Variants in ANO3 observed in about 807,000 individuals in gnomAD.
The protein encoded by ANO3 is anoctamin 3, also known as anoctamin-3.
ANO3 carries 99 observed loss-of-function variants against 144.8 expected under a neutral mutation model. That is an observed-to-expected ratio of 0.68 (90% CI 0.58 to 0.81). ANO3 has a LOEUF of 0.81. Ranked by LOEUF, ANO3 falls within the 30% of genes least tolerant of loss-of-function variation. The pLI is 0.00. For synonymous variants in ANO3, 414 were observed against 392.6 expected (o/e 1.05, Z -0.64); for missense variants, 905 against 1,202.2 (o/e 0.75, Z 3.66).
chr11:26,598,974 T>C lies in ANO3; in HGVS notation c.1647T>C (p.Val549=), dbSNP rs1402137349. ...CAGACAAAGTCACTCGTCTTCTTGT[T>C]TCTGTCTCAGGAATATTCTTCATGG... is the stretch of plus-strand genomic sequence containing the variant. ...PSSDKVTRLL[V]SVSGIFFMIS... The change falls in exon 16 of 27, where the codon GTT becomes GTC. Residue 549 remains valine, a synonymous_variant. Coordinates refer to ENST00000256737, the MANE Select transcript of ANO3 (RefSeq NM_031418.4). The C allele has an allele frequency of 1.2e-6, 2 of 1,614,032 alleles. No homozygotes were observed. The highest frequency in any genetic ancestry group is 1.6e-4 in the Middle Eastern group (1 of 6,062).
chr11:26,199,673 A>C (rs1286314662), intron 1 of ANO3, among the ~76,000 whole-genome samples: 2 of 152,168 alleles, frequency 1.3e-5, no homozygotes, highest in Admixed American at 1.3e-4. Flanking sequence ...CTTAAGGGGC[A>C]AATGCCCATG....
At chr11:26,528,317 C>T (rs1022458035) in intron 7 of ANO3, among the ~76,000 whole-genome samples, 3 of 152,076 alleles carry the variant, frequency 2.0e-5, no homozygotes, top group African/African-American at 7.2e-5. Flanking sequence ...AAGCTAGATC[C>T]TTGCATTGTG....
intron 1 of ANO3, among the ~76,000 whole-genome samples, chr11:26,221,300 G>A (rs963289984): frequency 6.6e-6 from 1 of 152,180 alleles, no homozygotes. Flanking sequence ...AGTAATTCAG[G>A]GCTTGGGTTC....
chr11:26,248,487 G>T (rs1373432915), intron 1 of ANO3, among the ~76,000 whole-genome samples: 2 of 152,112 alleles, frequency 1.3e-5, no homozygotes, highest in Admixed American at 1.3e-4. Flanking sequence ...CTGCTTACTT[G>T]AATGAATGAC....
At chr11:26,428,864 A>G (rs746616217) in intron 1 of ANO3, among the ~76,000 whole-genome samples, 5 of 151,410 alleles carry the variant, frequency 3.3e-5, no homozygotes, top group Non-Finnish European at 7.4e-5. Flanking sequence ...ATAATGAGGG[A>G]TTGGCTATTA....
chr11:26,258,254 G>A (rs1853104447), intron 1 of ANO3, among the ~76,000 whole-genome samples: 1 of 151,984 alleles, frequency 6.6e-6, no homozygotes, highest in African/African-American at 2.4e-5. Context: ...TATGGATCTG[G>A]ACAATTAAAT....
At chr11:26,359,856 G>A (rs1202529382) in intron 1 of ANO3, among the ~76,000 whole-genome samples, 1 of 150,302 alleles carries the variant, frequency 6.7e-6, no homozygotes, top group African/African-American at 2.5e-5. Flanking sequence ...ATCTTGGTCA[G>A]AGTGGAACTA....
At chr11:26,630,712 T>C (rs1852749809) in intron 18 of ANO3, among the ~76,000 whole-genome samples, 1 of 152,228 alleles carries the variant, frequency 6.6e-6, no homozygotes, top group African/African-American at 2.4e-5. Flanking sequence ...AGTTTTCTTT[T>C]CTTTTATTAC....
intron 1 of ANO3, among the ~76,000 whole-genome samples, chr11:26,416,038 T>A (rs888348432): frequency 6.6e-6 from 1 of 152,108 alleles, no homozygotes; most frequent in Admixed American, 6.6e-5. Context: ...ATTTTTTTAG[T>A]CATTAGCAAT....
chr11:26,384,189 C>T (rs866294586), intron 1 of ANO3, among the ~76,000 whole-genome samples: 16 of 152,096 alleles, frequency 1.1e-4, no homozygotes, highest in Middle Eastern at 3.4e-3. Flanking sequence ...CGTGAGCCAC[C>T]GTGCCCAGCC....
chr11:26,654,351 C>A (rs1360454632), intron 24 of ANO3, among the ~76,000 whole-genome samples: 3 of 151,874 alleles, frequency 2.0e-5, no homozygotes, highest in Non-Finnish European at 4.4e-5. Flanking sequence ...TAGATTTATG[C>A]CCAGATATTT....
intron 12 of ANO3, among the ~76,000 whole-genome samples, chr11:26,552,525 TG>T (rs1479641323): frequency 3.9e-5 from 6 of 152,066 alleles, no homozygotes; most frequent in African/African-American, 1.4e-4. Flanking sequence ...GCAAATAAGT[TG>T]CTGAGAACTG....
At chr11:26,323,005 A>T (rs543957102) in intron 1 of ANO3, among the ~76,000 whole-genome samples, 1 of 152,142 alleles carries the variant, frequency 6.6e-6, no homozygotes, top group East Asian at 1.9e-4. Context: ...ATATTACTTC[A>T]TTTATTTTGG....
chr11:26,267,157 G>A (rs1853333014), intron 1 of ANO3, among the ~76,000 whole-genome samples: 1 of 151,294 alleles, frequency 6.6e-6, no homozygotes, highest in Non-Finnish European at 1.5e-5. Context: ...ACATGGGCAT[G>A]TATGAGAAGG....
chr11:26,528,511 T>C (rs996429477), intron 7 of ANO3, among the ~76,000 whole-genome samples: 7 of 152,294 alleles, frequency 4.6e-5, no homozygotes, highest in African/African-American at 1.4e-4. Flanking sequence ...ATTTATACTT[T>C]GTTTATGATG....
chr11:26,462,374 C>A (rs1025231217), intron 3 of ANO3, among the ~76,000 whole-genome samples: 28 of 151,820 alleles, frequency 1.8e-4, no homozygotes, highest in Admixed American at 1.4e-3. Flanking sequence ...ATAGAGATTT[C>A]CTATTTTATA....
chr11:26,445,221 C>G (rs79132801), intron 3 of ANO3, among the ~76,000 whole-genome samples: 1,885 of 152,208 alleles, frequency 0.012, 30 homozygotes, highest in African/African-American at 0.042. Context: ...GAAGCTGAAA[C>G]TATATTATCA....
rs1856720653 is a variant in ANO3, at chr11:26,385,966, T to C, written c.46+53645T>C. Among the ~76,000 whole-genome samples, 3 of 151,998 alleles carry C rather than the reference T, an allele frequency of 2.0e-5. No individual in the cohort carries two copies. In the South Asian group the frequency reaches 6.2e-4, roughly 31 times the overall value. ...GTATGTATGTAATTTCTTTGCTTTT[T>C]TGTTGAGAGAACCTAGAAACAAGAT... On this transcript the variant is annotated intron_variant, in intron 1 of 26. Transcript: ENST00000256737.
chr11:26,331,553 T>C (rs2133887994), upstream of ANO3: 1 of 152,244 alleles, frequency 6.6e-6, no homozygotes, highest in South Asian at 2.1e-4. Flanking sequence ...AAATCGAGCA[T>C]CGTGGGTAGT....
Sources: gnomAD v4.1 joint callset for allele counts (sites outside exome capture counted in the v4.1 genomes callset) on GRCh38, gnomAD v4.1.1 for gene constraint, MANE v1.5 for transcripts, NCBI Gene and HGNC (gene_info 2026-07-23, HGNC 2026-07-21) for gene names.